Variants in CHRNA5 observed in about 807,000 individuals in gnomAD.
The protein encoded by CHRNA5 is cholinergic receptor nicotinic alpha 5 subunit.
A neutral mutation model predicts 41.2 loss-of-function variants in CHRNA5; 28 were observed. That is an observed-to-expected ratio of 0.68 (90% CI 0.50 to 0.93). The LOEUF (loss-of-function observed/expected upper bound fraction) is 0.93. Among genes scored for constraint, CHRNA5 ranks in the 40% least tolerant of loss-of-function variants. The probability of loss-of-function intolerance (pLI) is 0.00; values close to 1 mark genes in which losing one functional copy is unlikely to be tolerated. For synonymous variants in CHRNA5, 188 were observed against 205.8 expected (o/e 0.91, Z 0.74); for missense variants, 481 against 581.9 (o/e 0.83, Z 1.78).
chr15:78,592,547 G>C (rs1461355510), intron 5 of CHRNA5, among the ~76,000 whole-genome samples: 1 of 152,118 alleles, frequency 6.6e-6, no homozygotes, highest in Admixed American at 6.5e-5. Flanking sequence ...TGCTGAGCCA[G>C]CTCCCTACTA....
chr15:78,569,405 C>T (rs1408971019), intron 1 of CHRNA5, among the ~76,000 whole-genome samples: 3 of 150,616 alleles, frequency 2.0e-5, no homozygotes, highest in Non-Finnish European at 4.4e-5. Flanking sequence ...ATAAGCATGT[C>T]GACAATTAGA....
At chr15:78,573,898 C>A (rs572451148) in intron 1 of CHRNA5, among the ~76,000 whole-genome samples, 87 of 148,582 alleles carry the variant, frequency 5.9e-4, no homozygotes, top group African/African-American at 1.9e-3. Context: ...TCAAGTGATT[C>A]TTCTTCTTCT....
At chr15:78,565,952 G>C (rs1015869268) in intron 1 of CHRNA5, 127 bp downstream of exon 1, 1 of 393,570 alleles carries the variant, frequency 2.5e-6, no homozygotes, top group African/African-American at 2.1e-5. Context: ...TTTTTCTCCT[G>C]GGGGCTTGGA....
intron 1 of CHRNA5, among the ~76,000 whole-genome samples, chr15:78,576,389 A>C (rs1226929384): frequency 6.6e-6 from 1 of 152,086 alleles, no homozygotes; most frequent in Non-Finnish European, 1.5e-5. Context: ...CAAGTGATCC[A>C]TTTGCCTCGG....
At chr15:78,572,143 CCTT>C (rs2052811293) in intron 1 of CHRNA5, among the ~76,000 whole-genome samples, 1 of 152,108 alleles carries the variant, frequency 6.6e-6, no homozygotes, top group African/African-American at 2.4e-5. Context: ...TATCTTATTT[CCTT>C]CTTATGGCAG....
chr15:78,587,915 T>A (rs1367345144), intron 3 of CHRNA5, among the ~76,000 whole-genome samples: 5 of 152,190 alleles, frequency 3.3e-5, no homozygotes, highest in Non-Finnish European at 7.3e-5. Context: ...ACGCAGAATG[T>A]GCAATAAATC....
At chr15:78,593,207 G>T in exon 6 of CHRNA5, 3 of 1,613,306 alleles carry the variant, frequency 1.9e-6, no homozygotes, top group Non-Finnish European at 2.5e-6. Context: ...ATTTATAAAT[G>T]GGCAAATATA....
At chr15:78,578,026 A>G (rs374068118) in intron 1 of CHRNA5, among the ~76,000 whole-genome samples, 1 of 152,120 alleles carries the variant, frequency 6.6e-6, no homozygotes, top group East Asian at 1.9e-4. Context: ...AAGAGGAGAA[A>G]TGGTTCAATA....
exon 6 of CHRNA5, chr15:78,594,267 C>T (rs2053062508): frequency 6.6e-6 from 1 of 152,194 alleles, no homozygotes; most frequent in South Asian, 2.1e-4. Flanking sequence ...TTTCAGTCCT[C>T]TTGTCCACAT....
At chr15:78,567,042 G>A (rs578159295) in intron 1 of CHRNA5, among the ~76,000 whole-genome samples, 1 of 151,968 alleles carries the variant, frequency 6.6e-6, no homozygotes, top group Non-Finnish European at 1.5e-5. Flanking sequence ...CACGAGGTCA[G>A]GAGATCGAGA....
chr15:78,584,338 C>A (rs970691032), intron 2 of CHRNA5, among the ~76,000 whole-genome samples: 1 of 152,144 alleles, frequency 6.6e-6, no homozygotes, highest in African/African-American at 2.4e-5. Flanking sequence ...TTTATAAATA[C>A]GATTACCCCT....
chr15:78,590,632 G>A (rs771827809), exon 5 of CHRNA5: 37 of 1,601,568 alleles, frequency 2.3e-5, no homozygotes, highest in Middle Eastern at 1.7e-4. Context: ...AATGATGTCC[G>A]TGAGGTCTGT....
chr15:78,569,432 A>ATTTT (rs202079097), intron 1 of CHRNA5, among the ~76,000 whole-genome samples: 1 of 137,392 alleles, frequency 7.3e-6, no homozygotes, highest in African/African-American at 2.7e-5. Flanking sequence ...AAATATTGGA[A>ATTTT]TTTTTTTTTT....
intron 1 of CHRNA5, among the ~76,000 whole-genome samples, chr15:78,577,926 C>A (rs370039473): frequency 4.7e-3 from 609 of 128,954 alleles, no homozygotes; most frequent in Non-Finnish European, 5.4e-3. Context: ...GACCCTGTCT[C>A]AAAAAAAAAA....
chr15:78,568,257 CAATT>C (rs1365899107), intron 1 of CHRNA5, among the ~76,000 whole-genome samples: 31 of 152,074 alleles, frequency 2.0e-4, no homozygotes, highest in African/African-American at 6.3e-4. Flanking sequence ...GCTCAGGAGA[CAATT>C]AAAGTATAAT....
At chr15:78,582,626 A>T (rs1189384770) in intron 2 of CHRNA5, among the ~76,000 whole-genome samples, 2 of 152,228 alleles carry the variant, frequency 1.3e-5, no homozygotes, top group Non-Finnish European at 2.9e-5. Context: ...GGGAATGCAG[A>T]TCTTAATGAA....
Position 78,578,901 on chromosome 15 carries a change from A to C in CHRNA5, c.107-1910A>C, listed in dbSNP as rs2052883335. ...TTTTTATACATTTCACATTTCCTTA[A>C]GTGATCCCAGGCCAGACAACAGTGA... is the stretch of plus-strand genomic sequence containing the variant. On this transcript the variant is annotated intron_variant, in intron 1 of 5. Transcript: ENST00000299565. 2.6e-5 allele frequency among the ~76,000 whole-genome samples: 4 copies of C among 152,200 alleles called. No homozygotes were observed. The South Asian group carries it at 8.3e-4, about 32-fold the overall frequency.
intron 1 of CHRNA5, among the ~76,000 whole-genome samples, chr15:78,572,845 G>A (rs999430665): frequency 1.3e-5 from 2 of 151,996 alleles, no homozygotes; most frequent in African/African-American, 4.8e-5. Flanking sequence ...CTGTGTGTGA[G>A]TGAACATGCA....
chr15:78,590,052 G>C (rs201803037), exon 5 of CHRNA5: 7 of 1,614,214 alleles, frequency 4.3e-6, no homozygotes, highest in Non-Finnish European at 5.9e-6. Flanking sequence ...ATGGGAGATT[G>C]TGAGTGCAAC....
Sources: gnomAD v4.1 joint callset for allele counts (sites outside exome capture counted in the v4.1 genomes callset) on GRCh38, gnomAD v4.1.1 for gene constraint, MANE v1.5 for transcripts, NCBI Gene and HGNC (gene_info 2026-07-23, HGNC 2026-07-21) for gene names.